The following NKAIN2 variants were observed in gnomAD, a reference collection of about 807,000 sequenced individuals.
NKAIN2 encodes the protein sodium/potassium transporting ATPase interacting 2, also known as sodium/potassium-transporting ATPase subunit beta-1-interacting protein 2.
A neutral mutation model predicts 32.6 loss-of-function variants in NKAIN2; 14 were observed. The observed-to-expected ratio is 0.43, with a 90% CI of 0.28 to 0.67. The LOEUF (loss-of-function observed/expected upper bound fraction) is 0.67, where lower values mean the gene tolerates loss of function less well. NKAIN2 is among the 30% of genes least tolerant of loss of function. NKAIN2 has a pLI of 0.17. For missense variants in NKAIN2, 198 were observed against 258.3 expected (o/e 0.77, Z 1.60); for synonymous variants, 80 against 87.2 (o/e 0.92, Z 0.46).
At chr6:123,929,683 T>A (rs1776166266) in intron 1 of NKAIN2, among the ~76,000 whole-genome samples, 1 of 152,114 alleles carries the variant, frequency 6.6e-6, no homozygotes. Flanking sequence ...TCACTCACCA[T>A]AATACGTAGA....
At chr6:124,525,458 C>A (rs1014653694) in intron 3 of NKAIN2, among the ~76,000 whole-genome samples, 1 of 152,008 alleles carries the variant, frequency 6.6e-6, no homozygotes, top group Admixed American at 6.6e-5. Context: ...GTGAAATTAG[C>A]TCTTTATATA....
chr6:124,748,870 G>A (rs1034639060), intron 4 of NKAIN2, among the ~76,000 whole-genome samples: 20 of 135,486 alleles, frequency 1.5e-4, no homozygotes, highest in African/African-American at 4.2e-4. Context: ...AAAAAGAAGT[G>A]TGCAAGTATA....
intron 1 of NKAIN2, among the ~76,000 whole-genome samples, chr6:123,980,657 A>G (rs1582878845): frequency 1.3e-5 from 2 of 152,166 alleles, no homozygotes; most frequent in East Asian, 1.9e-4. Context: ...AGATTTGAAT[A>G]CTAAAATGAA....
At chr6:123,986,826 C>T (rs1276527537) in intron 1 of NKAIN2, among the ~76,000 whole-genome samples, 1 of 152,050 alleles carries the variant, frequency 6.6e-6, no homozygotes, top group Non-Finnish European at 1.5e-5. Flanking sequence ...TGGATGACTC[C>T]AAAGATTTGA....
intron 4 of NKAIN2, among the ~76,000 whole-genome samples, chr6:124,757,353 T>G (rs151266790): frequency 1.3e-5 from 2 of 152,136 alleles, no homozygotes; most frequent in Non-Finnish European, 2.9e-5. Context: ...GCTTCAACAT[T>G]CCTGTCACTC....
chr6:124,044,045 G>C (rs1203917249), intron 1 of NKAIN2, among the ~76,000 whole-genome samples: 1 of 152,032 alleles, frequency 6.6e-6, no homozygotes, highest in African/African-American at 2.4e-5. Flanking sequence ...GATGGAAAGA[G>C]ACAGATTGGC....
chr6:124,312,964 G>A (rs1264904881), intron 2 of NKAIN2, among the ~76,000 whole-genome samples: 8 of 152,088 alleles, frequency 5.3e-5, no homozygotes, highest in Non-Finnish European at 1.2e-4. Context: ...GATGGGAGAA[G>A]ATCAGAGAGG....
chr6:124,506,191 A>G (rs894343137), intron 3 of NKAIN2, among the ~76,000 whole-genome samples: 1 of 148,250 alleles, frequency 6.7e-6, no homozygotes, highest in African/African-American at 2.5e-5. Context: ...AAAAAAAAAG[A>G]AAAAAAAAGA....
chr6:124,199,115 G>A (rs1049602566), intron 1 of NKAIN2, among the ~76,000 whole-genome samples: 3 of 151,980 alleles, frequency 2.0e-5, no homozygotes, highest in Admixed American at 1.3e-4. Flanking sequence ...TTTACTTTGC[G>A]GTATCTCCTT....
chr6:124,369,852 C>T (rs1006400508), intron 3 of NKAIN2, among the ~76,000 whole-genome samples: 1 of 119,850 alleles, frequency 8.3e-6, no homozygotes, highest in South Asian at 2.9e-4. Context: ...TGGCAGTTGA[C>T]AAATTTGCTT....
chr6:123,886,934 C>T (rs1773744587), intron 1 of NKAIN2, among the ~76,000 whole-genome samples: 2 of 151,994 alleles, frequency 1.3e-5, no homozygotes, highest in Non-Finnish European at 2.9e-5. Context: ...AATCCTCTTG[C>T]TTGGTTGAGG....
intron 3 of NKAIN2, among the ~76,000 whole-genome samples, chr6:124,440,105 A>G (rs1775628283): frequency 6.6e-6 from 1 of 152,076 alleles, no homozygotes; most frequent in African/African-American, 2.4e-5. Context: ...TTAACCAATC[A>G]TCAAATGTGA....
chr6:124,335,912 G>A (rs192028695), intron 2 of NKAIN2, among the ~76,000 whole-genome samples: 1 of 151,998 alleles, frequency 6.6e-6, no homozygotes, highest in East Asian at 1.9e-4. Flanking sequence ...TGTTTTTCAT[G>A]CCATTCCTCA....
intron 3 of NKAIN2, among the ~76,000 whole-genome samples, chr6:124,439,414 C>T (rs116309543): frequency 0.02 from 3,048 of 151,806 alleles, 113 homozygotes; most frequent in African/African-American, 0.069. Context: ...GACGACTACA[C>T]GGGGCCTGCT....
chr6:124,668,737 G>A (rs776555539), intron 4 of NKAIN2, among the ~76,000 whole-genome samples: 41 of 152,042 alleles, frequency 2.7e-4, no homozygotes, highest in Non-Finnish European at 1.3e-4. Context: ...AATTGTTCAC[G>A]TATTTCTCTT....
chr6:124,630,816 G>A (rs961133679), intron 3 of NKAIN2, among the ~76,000 whole-genome samples: 4 of 152,050 alleles, frequency 2.6e-5, no homozygotes, highest in South Asian at 2.1e-4. Flanking sequence ...CAGTCCACGC[G>A]AAGTAACAAT....
intron 3 of NKAIN2, among the ~76,000 whole-genome samples, chr6:124,378,234 G>C (rs989784985): frequency 2.6e-5 from 4 of 152,118 alleles, no homozygotes; most frequent in African/African-American, 9.7e-5. Context: ...CACACTCCAT[G>C]AAGTGGGCTT....
At chr6:124,289,140 C>CA (rs1202204462) in intron 2 of NKAIN2, among the ~76,000 whole-genome samples, 1 of 152,094 alleles carries the variant, frequency 6.6e-6, no homozygotes, top group East Asian at 1.9e-4. Context: ...CTTACTCTTC[C>CA]AAAATAATAA....
rs148605507 is a variant in NKAIN2 at position 123,849,910 on chromosome 6, A to T, written c.54+45656A>T. On this transcript the variant is annotated intron_variant, in intron 1 of 6. Transcript: ENST00000368417. Reference sequence around the variant, plus strand: ...ATTATTTACAATTTTCTTTAAAAAAATTTTTTTGAGACATGGTTTCACTCT... The same window carrying T: ...ATTATTTACAATTTTCTTTAAAAAATTTTTTTTGAGACATGGTTTCACTCT... Among the ~76,000 whole-genome samples, 783 of 148,438 alleles carry T rather than the reference A, an allele frequency of 5.3e-3. 1 individual carries two copies. The highest frequency in any genetic ancestry group is 8.8e-3 in the Non-Finnish European group (591 of 67,308).
Sources: allele counts gnomAD v4.1 joint callset (sites outside exome capture counted in the v4.1 genomes callset), GRCh38; gene constraint gnomAD v4.1.1; transcripts MANE v1.5; gene names NCBI Gene and HGNC (gene_info 2026-07-23, HGNC 2026-07-21).